ITPR2: variants seen among roughly 807,000 people sequenced by gnomAD.
ITPR2 encodes inositol 1,4,5-trisphosphate-gated calcium channel ITPR2.
A neutral mutation model predicts 317.1 loss-of-function variants in ITPR2; 207 were observed. The observed-to-expected ratio is 0.65, with a 90% confidence interval of 0.58 to 0.73. The LOEUF (loss-of-function observed/expected upper bound fraction) is 0.73, where lower values mean the gene tolerates loss of function less well. Ranked by LOEUF, ITPR2 falls within the 30% of genes least tolerant of loss-of-function variation. The pLI is 0.00. For synonymous variants in ITPR2, 1,156 were observed against 1,149.1 expected, an observed-to-expected ratio of 1.01 and a Z score of -0.12; for missense variants, 2,613 against 3,284.0, an observed-to-expected ratio of 0.80 and a Z score of 4.99.
Position 26,599,183 on chromosome 12 carries a change from T to C in ITPR2, c.3964A>G (p.Lys1322Glu). ...FLQTIVKADG[K>E]YVKKCQDMVM... Reference sequence around the variant, plus strand: ...ATATCCTGGCATTTCTTCACATATTTACCATCTGCTTTTACAATTGTTTGC... The same window carrying C: ...ATATCCTGGCATTTCTTCACATATTCACCATCTGCTTTTACAATTGTTTGC... The change falls in exon 30 of 57, where the codon AAA becomes GAA. Residue 1322 changes from lysine to glutamate, a missense_variant. By Grantham distance (56) the Lys-to-Glu change is moderately conservative (BLOSUM62 1). Around this residue, in one of 9 missense-constraint regions of ITPR2, gnomAD observed 817 missense variants for 897.6 expected, o/e 0.91. Transcript: ENST00000381340. 6.2e-7 allele frequency: 1 copy of C among 1,614,152 alleles called. No homozygotes were observed. Among genetic ancestry groups the C allele is most frequent in the Non-Finnish European group, 8.5e-7 (1 of 1,179,958 alleles).
At chr12:26,623,857 T>A (rs1946558917) in intron 24 of ITPR2, among the ~76,000 whole-genome samples, 1 of 152,226 alleles carries the variant, frequency 6.6e-6, no homozygotes, top group Non-Finnish European at 1.5e-5. Flanking sequence ...TTTTATTTAA[T>A]CATGGGTATT....
chr12:26,548,966 T>C lies in ITPR2; in HGVS notation c.5073+1281A>G, dbSNP rs558853544. 3.3e-5 allele frequency among the ~76,000 whole-genome samples: 5 copies of C among 152,336 alleles called. No individual in the cohort carries two copies. In the South Asian group the frequency reaches 1.0e-3, roughly 32 times the overall value. On this transcript the variant is annotated intron_variant, in intron 37 of 56. Transcript: ENST00000381340. Reference sequence around the variant, plus strand: ...TCAATAAAAATCTGTTACATAAAAATGGAAGACTTGCCATGTACCTCCTGT... The same window carrying C: ...TCAATAAAAATCTGTTACATAAAAACGGAAGACTTGCCATGTACCTCCTGT...
At chr12:26,382,740 C>T (rs897858411) in intron 55 of ITPR2, among the ~76,000 whole-genome samples, 1 of 152,066 alleles carries the variant, frequency 6.6e-6, no homozygotes, top group Non-Finnish European at 1.5e-5. Context: ...TTTCAGACCC[C>T]GATCCTATTA....
At position 26,446,224 on chromosome 12, in the gene ITPR2, T is replaced by A. The variant is rs1248776637; in HGVS notation, c.6343-2574A>T. ...ATATAGTAGTACTGCCAGGAAGCCT[T>A]AAGGGTCTCCCTTATGTTATGGTCA... is the stretch of plus-strand genomic sequence containing the variant. On this transcript the variant is annotated intron_variant, in intron 45 of 56. Coordinates refer to ENST00000381340, the MANE Select transcript of ITPR2 (RefSeq NM_002223.4). Among the ~76,000 whole-genome samples, 29 of 152,086 alleles carry A rather than the reference T, an allele frequency of 1.9e-4. 1 individual carries two copies. The highest frequency in any genetic ancestry group is 1.9e-3 in the Admixed American group (29 of 15,256).
chr12:26,368,301 A>G (rs1939079008), intron 55 of ITPR2, among the ~76,000 whole-genome samples: 2 of 152,166 alleles, frequency 1.3e-5, no homozygotes, highest in Non-Finnish European at 2.9e-5. Context: ...AAACTCTTTT[A>G]TATTTCTTAG....
chr12:26,384,151 A>G (rs945619917), intron 55 of ITPR2, among the ~76,000 whole-genome samples: 1 of 152,224 alleles, frequency 6.6e-6, no homozygotes. Flanking sequence ...AAGAGAAAGA[A>G]CAGTCTTTGA....
chr12:26,521,044 A>T (rs1943648202), intron 37 of ITPR2, among the ~76,000 whole-genome samples: 2 of 152,336 alleles, frequency 1.3e-5, no homozygotes, highest in African/African-American at 4.8e-5. Flanking sequence ...AGTACATTAA[A>T]GACTCAGATT....
At chr12:26,545,307 T>C (rs1944368264) in intron 37 of ITPR2, among the ~76,000 whole-genome samples, 1 of 151,920 alleles carries the variant, frequency 6.6e-6, no homozygotes, top group Non-Finnish European at 1.5e-5. Context: ...GTGGTTCCAA[T>C]GTAATCACAG....
chr12:26,804,489 A>G (rs1032551238), intron 1 of ITPR2, among the ~76,000 whole-genome samples: 4 of 152,132 alleles, frequency 2.6e-5, no homozygotes, highest in Non-Finnish European at 5.9e-5. Context: ...AGCAACCCAC[A>G]TGACCTCTGA....
intron 37 of ITPR2, among the ~76,000 whole-genome samples, chr12:26,516,285 G>GGAAAGGAAAGGAAAGGAAA (rs1943504362): frequency 7.0e-5 from 3 of 42,838 alleles, no homozygotes; most frequent in Non-Finnish European, 1.2e-4. Context: ...GGGAAGGGAA[G>GGAAAGGAAAGGAAAGGAAA]GGAAAGGAAA....
At chr12:26,618,945 A>G (rs1946433035) in intron 26 of ITPR2, among the ~76,000 whole-genome samples, 1 of 152,244 alleles carries the variant, frequency 6.6e-6, no homozygotes, top group Non-Finnish European at 1.5e-5. Flanking sequence ...TGGTAAAACT[A>G]CTAAGCAAGG....
chr12:26,494,093 T>C, intron 39 of ITPR2, 60 bp downstream of exon 39: 1 of 1,331,146 alleles, frequency 7.5e-7, no homozygotes. Context: ...TTGGTTTCTG[T>C]GACAAGTAAA....
rs1211944611 is a variant in ITPR2 at position 26,599,161 on chromosome 12, T to C, written c.3986A>G (p.Asp1329Gly). 6.2e-7 allele frequency: 1 copy of C among 1,614,094 alleles called. No individual in the cohort carries two copies. The highest frequency in any genetic ancestry group is 1.3e-5 in the African/African-American group (1 of 75,074). Residue 1329 changes from aspartate to glycine, a missense_variant, in exon 30 of 57, where the codon GAT becomes GGT. Transcript: ENST00000381340. ...ADGKYVKKCQ[D>G]MVMTELINGG... is the part of the protein sequence containing the mutation. ...AGAACATACCTCTGTCATTACCATA[T>C]CCTGGCATTTCTTCACATATTTACC...
At chr12:26,397,780 G>A (rs1197728827) in intron 54 of ITPR2, among the ~76,000 whole-genome samples, 2 of 152,144 alleles carry the variant, frequency 1.3e-5, no homozygotes, top group African/African-American at 2.4e-5. Flanking sequence ...TAACGTTGTA[G>A]TGAACCCTTA....
intron 29 of ITPR2, 109 bp downstream of exon 29, chr12:26,599,878 G>GA (rs1162833544): frequency 1.1e-3 from 804 of 762,006 alleles, no homozygotes; most frequent in South Asian, 1.5e-3. Context: ...TTTCCACAAG[G>GA]AAAAAAAAAT....
chr12:26,713,619 C>A (rs551869524), intron 8 of ITPR2, among the ~76,000 whole-genome samples: 103 of 152,260 alleles, frequency 6.8e-4, no homozygotes, highest in African/African-American at 2.3e-3. Flanking sequence ...ACAGCAAAAG[C>A]TATAAAACTA....
At chr12:26,578,168 T>A (rs936602270) in intron 34 of ITPR2, among the ~76,000 whole-genome samples, 1 of 150,580 alleles carries the variant, frequency 6.6e-6, no homozygotes, top group East Asian at 1.9e-4. Context: ...AATTAACTTA[T>A]TAACTTTCTC....
intron 37 of ITPR2, among the ~76,000 whole-genome samples, chr12:26,509,876 A>AGT (rs1943285120): frequency 4.0e-5 from 6 of 151,566 alleles, no homozygotes; most frequent in Non-Finnish European, 7.4e-5. Context: ...ATTATGGTTC[A>AGT]CAAAATATGT....
intron 55 of ITPR2, among the ~76,000 whole-genome samples, chr12:26,377,260 G>C (rs1370201658): frequency 1.3e-5 from 2 of 152,178 alleles, no homozygotes; most frequent in African/African-American, 2.4e-5. Flanking sequence ...CTGCTGCCGT[G>C]TGTTATCATC....
Sources: gnomAD v4.1 joint callset for allele counts (sites outside exome capture counted in the v4.1 genomes callset) on GRCh38, gnomAD v4.1.1 for gene constraint, gnomAD v4.1.1 regional missense constraint, MANE v1.5 for transcripts, NCBI Gene and HGNC (gene_info 2026-07-23, HGNC 2026-07-21) for gene names.